ZSCAN12: variants seen among roughly 807,000 people sequenced by gnomAD.
ZSCAN12 encodes zinc finger and SCAN domain-containing protein 12.
ZSCAN12 carries 18 observed loss-of-function variants against 23.4 expected under a neutral mutation model. The ratio of observed to expected loss-of-function variants is 0.77; its 90% CI spans 0.53 to 1.14. The LOEUF (loss-of-function observed/expected upper bound fraction) is 1.14, where lower values mean the gene tolerates loss of function less well. ZSCAN12 is among the 50% of genes most tolerant of loss of function. The pLI is 0.00. For synonymous variants in ZSCAN12, 186 were observed against 253.4 expected (o/e 0.73, Z 2.53); for missense variants, 650 against 735.0 (o/e 0.88, Z 1.34).
chr6:28,392,318 C>A (rs957524604), intron 3 of ZSCAN12, among the ~76,000 whole-genome samples: 8 of 151,856 alleles, frequency 5.3e-5, no homozygotes, highest in Admixed American at 1.3e-4. Context: ...GCTGGGATTA[C>A]AGGCACGCGC....
chr6:28,392,171 T>A (rs1436818488), intron 3 of ZSCAN12, among the ~76,000 whole-genome samples: 1 of 151,762 alleles, frequency 6.6e-6, no homozygotes, highest in East Asian at 1.9e-4. Flanking sequence ...TGTTTTATTA[T>A]TTTTTCTTTT....
downstream of ZSCAN12, among the ~76,000 whole-genome samples, chr6:28,383,902 T>G (rs1581761927): frequency 6.6e-6 from 1 of 152,296 alleles, no homozygotes; most frequent in Non-Finnish European, 1.5e-5. Flanking sequence ...CTAGAGACAA[T>G]GCATTTGAGA....
At chr6:28,382,611 T>C (rs765902244), downstream of ZSCAN12, 8 of 1,551,228 alleles carry the variant, frequency 5.2e-6, no homozygotes, top group South Asian at 9.5e-5. Context: ...GTCTTCTTCC[T>C]GAGGCATAAA....
chr6:28,385,688 G>T lies in ZSCAN12; in HGVS notation c.*4766C>A, dbSNP rs1391941715. Among the ~76,000 whole-genome samples, 1 of 152,202 alleles carries T rather than the reference G, an allele frequency of 6.6e-6. No homozygotes were observed. Among genetic ancestry groups the T allele is most frequent in the Non-Finnish European group, 1.5e-5 (1 of 68,030 alleles). On this transcript the variant is annotated 3_prime_UTR_variant, in exon 4 of 4. Coordinates refer to ENST00000684592, the MANE Select transcript of ZSCAN12 (RefSeq NM_001163391.2). ...TATTTCAGTTTCCCCAGCTGAAAGT[G>T]AAATGTTGTAAGTAAAGCATTTAGT...
downstream of ZSCAN12, among the ~76,000 whole-genome samples, chr6:28,384,327 T>C (rs187981741): frequency 2.2e-4 from 34 of 152,218 alleles, no homozygotes; most frequent in Admixed American, 2.6e-4. Flanking sequence ...GGAGTAATGA[T>C]GATGTAATCA....
chr6:28,382,467 CT>C, downstream of ZSCAN12: 1 of 1,547,542 alleles, frequency 6.5e-7, no homozygotes, highest in Non-Finnish European at 8.7e-7. Context: ...GCACAGCCTT[CT>C]TCCTTTACCA....
rs1001488992 is a variant in ZSCAN12 at position 28,397,935 on chromosome 6, G to T, written c.402+69C>A. On this transcript the variant is annotated intron_variant, in intron 2 of 3. Transcript: ENST00000684592. The stretch of plus-strand genomic sequence containing the variant: ...AAACATGCTTTGTGAAAAAATGGCT[G>T]TTCTTCACTCTGGCCTAGAAATCCA... The T allele has an allele frequency of 4.1e-6, 6 of 1,453,506 alleles. No individual in the cohort carries two copies. In the African/African-American group the frequency reaches 8.6e-5, roughly 21 times the overall value. The allele number at this position is 1,453,506 out of a possible 1,614,324, so 90.0% of individuals were successfully genotyped here. A position where few individuals can be genotyped will look rare whatever the true frequency, so the allele number is the denominator to read the frequency against.
Position 28,390,359 on chromosome 6 carries a change from A to G in ZSCAN12, c.*95T>C, listed in dbSNP as rs541681025. 9.5e-5 allele frequency: 96 copies of G among 1,010,482 alleles called. No homozygotes were observed. In the South Asian group the frequency reaches 1.3e-3, roughly 14 times the overall value. 62.6% of individuals were successfully genotyped at this position (1,010,482 alleles called of 1,614,324 possible). A position where few individuals can be genotyped will look rare whatever the true frequency, so the allele number is the denominator to read the frequency against. ...CTTATTAAATATCTGAGGTTTCCTT[A>G]TAACAATGGTGACTGAAGTTTTGCC... On this transcript the variant is annotated 3_prime_UTR_variant, in exon 4 of 4. Transcript: ENST00000684592.
chr6:28,391,801 AATATT>A lies in ZSCAN12; in HGVS notation c.548-64_548-60del. ...CCTTTAAAATGTATCCATACATTTTAATATTAAGCAGCTGTTTAGAAATAAAAAAT... is the reference window on the plus strand; with the variant it reads ...CCTTTAAAATGTATCCATACATTTTAAAGCAGCTGTTTAGAAATAAAAAAT... On this transcript the variant is annotated intron_variant, in intron 3 of 3. Coordinates refer to ENST00000684592, the MANE Select transcript of ZSCAN12 (RefSeq NM_001163391.2). This position sits in a 1 kb window ranked among gnomAD's most constrained non-coding sequence, Gnocchi z 4.1. 1 of 1,321,262 alleles carries A rather than the reference AATATT, an allele frequency of 7.6e-7. No individual in the cohort carries two copies. Among genetic ancestry groups the A allele is most frequent in the Non-Finnish European group, 1.0e-6 (1 of 996,268 alleles). The allele number at this position is 1,321,262 out of a possible 1,614,324, so 81.8% of individuals were successfully genotyped here.
At chr6:28,397,017 A>C (rs1406042338) in intron 2 of ZSCAN12, among the ~76,000 whole-genome samples, 1 of 152,072 alleles carries the variant, frequency 6.6e-6, no homozygotes, top group Non-Finnish European at 1.5e-5. Context: ...CTAAGTTTCA[A>C]ACTCTTTATA....
chr6:28,393,442 T>C (rs1484599367), intron 2 of ZSCAN12, among the ~76,000 whole-genome samples: 1 of 139,508 alleles, frequency 7.2e-6, no homozygotes, highest in Non-Finnish European at 1.5e-5. Context: ...GGAAAGGGGA[T>C]ATGTAAAGGT....
At chr6:28,384,281 A>G (rs371135942), downstream of ZSCAN12, among the ~76,000 whole-genome samples, 1 of 152,184 alleles carries the variant, frequency 6.6e-6, no homozygotes, top group Non-Finnish European at 1.5e-5. Context: ...AAGGCACTAG[A>G]TCAAAACACT....
Position 28,389,945 on chromosome 6 carries a change from G to A in ZSCAN12, c.*509C>T, listed in dbSNP as rs1760729801. 6.6e-6 allele frequency among the ~76,000 whole-genome samples: 1 copy of A among 152,064 alleles called. No homozygotes were observed. Among genetic ancestry groups the A allele is most frequent in the African/African-American group, 2.4e-5 (1 of 41,388 alleles). ...ATGCTATTGATTGCCCAATTTGCAC[G>A]AACCTTTTACTTCAGGTTGGCTAGT... On this transcript the variant is annotated 3_prime_UTR_variant, in exon 4 of 4. Transcript: ENST00000684592.
At chr6:28,394,058 G>T (rs1049397490) in intron 2 of ZSCAN12, among the ~76,000 whole-genome samples, 2 of 151,874 alleles carry the variant, frequency 1.3e-5, no homozygotes, top group Non-Finnish European at 2.9e-5. Flanking sequence ...CATCACTTTT[G>T]GCTTCTCTCT....
At chr6:28,393,422 A>T (rs1423693093) in intron 2 of ZSCAN12, among the ~76,000 whole-genome samples, 1 of 151,834 alleles carries the variant, frequency 6.6e-6, no homozygotes, top group Admixed American at 6.6e-5. Context: ...TTAAGAGAGA[A>T]AGAGGAAAAG....
At chr6:28,383,435 G>A (rs1561951644), downstream of ZSCAN12, among the ~76,000 whole-genome samples, 1 of 152,102 alleles carries the variant, frequency 6.6e-6, no homozygotes, top group Non-Finnish European at 1.5e-5. Flanking sequence ...TGCCGTCAAC[G>A]GCTGTCTCAG....
In ZSCAN12 at chr6:28,391,939, C is replaced by G. The variant is rs537073273; in HGVS notation, c.548-197G>C. Reference sequence around the variant, plus strand: ...GGAAGGACACACGAAAAATTAGTAACAGTTACAACCTATTTCAGAGTAGGA... The same window carrying G: ...GGAAGGACACACGAAAAATTAGTAAGAGTTACAACCTATTTCAGAGTAGGA... On this transcript the variant is annotated intron_variant, in intron 3 of 3. Transcript: ENST00000684592. The surrounding 1 kb of genome is among the most constrained non-coding windows in gnomAD (Gnocchi z 4.1). 6.6e-6 allele frequency among the ~76,000 whole-genome samples: 1 copy of G among 152,210 alleles called. No homozygotes were observed. Among genetic ancestry groups the G allele is most frequent in the African/African-American group, 2.4e-5 (1 of 41,544 alleles).
At chr6:28,384,573 AG>A (rs2113963389), downstream of ZSCAN12, among the ~76,000 whole-genome samples, 1 of 152,332 alleles carries the variant, frequency 6.6e-6, no homozygotes, top group African/African-American at 2.4e-5. Flanking sequence ...GATGAAATCA[AG>A]GGAAAACTGC....
rs1760813868 is a variant in ZSCAN12 at position 28,391,276 on chromosome 6, G to A, written c.1014C>T (p.Ala338=). 1 of 1,551,864 alleles carries A rather than the reference G, an allele frequency of 6.4e-7. No homozygotes were observed. Among genetic ancestry groups the A allele is most frequent in the Non-Finnish European group, 8.7e-7 (1 of 1,147,090 alleles). Reference sequence around the variant, plus strand: ...GGTTAAGAGCTGACCACCGGCCAAAGGCTTTGCCACATTCATTACACTTAT... The same window carrying A: ...GGTTAAGAGCTGACCACCGGCCAAAAGCTTTGCCACATTCATTACACTTAT... ...KPYKCNECGK[A]FGRWSALNQH... is the part of the protein sequence containing the mutation. The change falls in exon 4 of 4, where the codon GCC becomes GCT. Residue 338 remains alanine (A), a synonymous_variant. Transcript: ENST00000684592. This position sits in a 1 kb window ranked among gnomAD's most constrained non-coding sequence, Gnocchi z 4.1.
Sources: gnomAD v4.1 joint callset for allele counts (sites outside exome capture counted in the v4.1 genomes callset) on GRCh38, gnomAD v4.1.1 for gene constraint, Gnocchi (gnomAD v3.1) non-coding constraint, MANE v1.5 for transcripts, NCBI Gene and HGNC (gene_info 2026-07-23, HGNC 2026-07-21) for gene names.